CLYBL: variants seen among roughly 807,000 people sequenced by gnomAD.
The protein encoded by CLYBL is citramalyl-CoA lyase.
CLYBL carries 31 observed loss-of-function variants against 38.9 expected under a neutral mutation model. That is an observed-to-expected ratio of 0.80 (90% CI 0.60 to 1.08). The LOEUF is 1.08. Among genes scored for constraint, CLYBL ranks in the 50% least tolerant of loss-of-function variants. The probability of loss-of-function intolerance (pLI) is 0.00; values close to 1 mark genes in which losing one functional copy is unlikely to be tolerated. For synonymous variants in CLYBL, 171 were observed against 158.6 expected (o/e 1.08, Z -0.59); for missense variants, 434 against 411.6 (o/e 1.05, Z -0.47).
chr13:99,788,324 C>T (rs2049842578), intron 2 of CLYBL, among the ~76,000 whole-genome samples: 1 of 151,982 alleles, frequency 6.6e-6, no homozygotes, highest in African/African-American at 2.4e-5. Flanking sequence ...CAGTATGATA[C>T]TGGCTGTGGA....
In CLYBL at chr13:99,642,412, G is replaced by GTTATTA. The variant is rs71118497; in HGVS notation, c.62+35670_62+35675dup. Among the ~76,000 whole-genome samples, 80 of 151,036 alleles carry GTTATTA rather than the reference G, an allele frequency of 5.3e-4. No homozygotes were observed. The East Asian group carries it at 6.5e-3, about 12-fold the overall frequency. ...CTCATTTCTATTTTTTATGATTATTGTTATTATTATTATTATTATTGAGAC... is the reference window on the plus strand; with the variant it reads ...CTCATTTCTATTTTTTATGATTATTGTTATTATTATTATTATTATTATTATTGAGAC... On this transcript the variant is annotated intron_variant, in intron 1 of 8. Transcript: ENST00000339105.
intron 1 of CLYBL, among the ~76,000 whole-genome samples, chr13:99,640,488 T>G (rs1453122390): frequency 1.3e-5 from 2 of 152,264 alleles, no homozygotes; most frequent in Non-Finnish European, 2.9e-5. Context: ...AGTTAAAGTG[T>G]GAGAATGTGG....
chr13:99,640,306 C>G (rs2047075221), intron 1 of CLYBL, among the ~76,000 whole-genome samples: 1 of 152,142 alleles, frequency 6.6e-6, no homozygotes, highest in Non-Finnish European at 1.5e-5. Context: ...GTACATTTCA[C>G]TATGGTTTTT....
chr13:99,896,811 G>A (rs1370141186), downstream of CLYBL: 2 of 152,226 alleles, frequency 1.3e-5, no homozygotes, highest in African/African-American at 2.4e-5. Context: ...GTAATCCCAA[G>A]TTTAAGAAGG....
chr13:99,677,800 A>G (rs2047675745), intron 1 of CLYBL, among the ~76,000 whole-genome samples: 1 of 152,222 alleles, frequency 6.6e-6, no homozygotes, highest in Non-Finnish European at 1.5e-5. Flanking sequence ...ATTTGTACAT[A>G]AAAAGATTTA....
At chr13:99,712,332 T>C (rs958727161) in intron 1 of CLYBL, among the ~76,000 whole-genome samples, 1 of 88,660 alleles carries the variant, frequency 1.1e-5, no homozygotes, top group Non-Finnish European at 2.4e-5. Flanking sequence ...AGCAATTGAC[T>C]TTTTTTTTTT....
chr13:99,623,332 C>T (rs545231915), intron 1 of CLYBL, among the ~76,000 whole-genome samples: 1 of 152,142 alleles, frequency 6.6e-6, no homozygotes, highest in African/African-American at 2.4e-5. Flanking sequence ...CGGTTTCTTC[C>T]AAATCATTTT....
chr13:99,624,094 C>G (rs2046836240), intron 1 of CLYBL, among the ~76,000 whole-genome samples: 1 of 118,656 alleles, frequency 8.4e-6, no homozygotes, highest in South Asian at 3.5e-4. Flanking sequence ...GTCTTTGGAA[C>G]AGGGGTAACC....
At chr13:99,652,111 A>G (rs565626150) in intron 1 of CLYBL, among the ~76,000 whole-genome samples, 2 of 152,318 alleles carry the variant, frequency 1.3e-5, no homozygotes, top group East Asian at 3.9e-4. Context: ...GTGTGCTGCC[A>G]GGGTGCTCAG....
At chr13:99,844,042 A>G (rs1220413769) in intron 2 of CLYBL, among the ~76,000 whole-genome samples, 1 of 152,164 alleles carries the variant, frequency 6.6e-6, no homozygotes, top group Non-Finnish European at 1.5e-5. Context: ...CCGGTGACAG[A>G]ATGCATGTGC....
At chr13:99,692,169 T>G (rs1288638020) in intron 1 of CLYBL, among the ~76,000 whole-genome samples, 2 of 152,172 alleles carry the variant, frequency 1.3e-5, no homozygotes, top group East Asian at 1.9e-4. Context: ...GCATTACATA[T>G]GCCAGCCCTG....
At chr13:99,808,417 A>G (rs2050274957) in intron 2 of CLYBL, among the ~76,000 whole-genome samples, 1 of 152,152 alleles carries the variant, frequency 6.6e-6, no homozygotes, top group South Asian at 2.1e-4. Flanking sequence ...CGGTCACCTG[A>G]GCCCTTTGTG....
chr13:99,854,514 C>T (rs920110123), intron 2 of CLYBL, among the ~76,000 whole-genome samples: 2 of 151,660 alleles, frequency 1.3e-5, no homozygotes, highest in African/African-American at 4.9e-5. Context: ...GGAGCTTGGT[C>T]CCAAACTATA....
intron 2 of CLYBL, among the ~76,000 whole-genome samples, chr13:99,800,567 C>T (rs1242742974): frequency 6.6e-6 from 1 of 152,176 alleles, no homozygotes; most frequent in Non-Finnish European, 1.5e-5. Context: ...AATACAATCC[C>T]TTTTGGCTTA....
intron 1 of CLYBL, among the ~76,000 whole-genome samples, chr13:99,625,009 T>C (rs1388017481): frequency 6.6e-6 from 1 of 152,202 alleles, no homozygotes; most frequent in Admixed American, 6.5e-5. Flanking sequence ...TTAAGCATGA[T>C]AGAAAGTGTG....
rs756850003 is a variant in CLYBL at position 99,858,988 on chromosome 13, C to T, written c.377C>T (p.Ser126Phe). ...AEEDLETLLQSRVLPSSLMLP... is the reference protein window; with the variant it reads ...AEEDLETLLQFRVLPSSLMLP... The stretch of plus-strand genomic sequence containing the variant: ...GAAGACCTAGAGACCCTTTTGCAAT[C>T]CCGGGTCCTTCCTTCCAGCCTGATG... The change falls in exon 3 of 9, where the codon TCC becomes TTC. Residue 126 changes from serine (S) to phenylalanine (F), a missense_variant. By Grantham distance (155) the Ser-to-Phe change is radical (BLOSUM62 -2). Coordinates refer to ENST00000339105, the MANE Select transcript of CLYBL (RefSeq NM_206808.5). 1 of 1,614,082 alleles carries T rather than the reference C, an allele frequency of 6.2e-7. No homozygotes were observed. The highest frequency in any genetic ancestry group is 1.1e-5 in the South Asian group (1 of 91,058).
intron 1 of CLYBL, among the ~76,000 whole-genome samples, chr13:99,677,261 A>G (rs1383553105): frequency 6.6e-6 from 1 of 152,198 alleles, no homozygotes; most frequent in Non-Finnish European, 1.5e-5. Context: ...AAAATATCCA[A>G]GTAGATTTTC....
Position 99,833,014 on chromosome 13 carries a change from ATATATATATATATATATTTTTTTTTT to A in CLYBL, c.250-25845_250-25820del, listed in dbSNP as rs1374598769. 2.0e-3 allele frequency among the ~76,000 whole-genome samples: 62 copies of A among 31,384 alleles called. 2 individuals are homozygous for A. Among genetic ancestry groups the A allele is most frequent in the African/African-American group, 6.4e-3 (52 of 8,162 alleles). The allele number at this position is 31,384 out of a possible 152,430, so 20.6% of individuals were successfully genotyped here. A position where few individuals can be genotyped will look rare whatever the true frequency, so the allele number is the denominator to read the frequency against. Reference sequence around the variant, plus strand: ...TATATACATACATACATACATATATATATATATATATATATATTTTTTTTTTTTTTTTTTTTTTTTTTTTGAGATGG... The same window carrying A: ...TATATACATACATACATACATATATATTTTTTTTTTTTTTTTTTGAGATGG... On this transcript the variant is annotated intron_variant, in intron 2 of 8. Transcript: ENST00000339105.
chr13:99,826,330 T>A (rs889585081), intron 2 of CLYBL, among the ~76,000 whole-genome samples: 1 of 152,140 alleles, frequency 6.6e-6, no homozygotes, highest in Non-Finnish European at 1.5e-5. Flanking sequence ...AACCATGACA[T>A]CAATGCCTAC....
Sources: allele counts gnomAD v4.1 joint callset (sites outside exome capture counted in the v4.1 genomes callset), GRCh38; gene constraint gnomAD v4.1.1; transcripts MANE v1.5; gene names NCBI Gene and HGNC (gene_info 2026-07-23, HGNC 2026-07-21).